Variants in POLN observed in about 807,000 individuals in gnomAD.
POLN encodes the protein DNA polymerase N.
A neutral mutation model predicts 113.5 loss-of-function variants in POLN; 108 were observed. That is an observed-to-expected ratio of 0.95 (90% CI 0.81 to 1.12). The LOEUF (loss-of-function observed/expected upper bound fraction) is 1.12. Among genes scored for constraint, POLN ranks in the 50% most tolerant of loss-of-function variants. POLN has a pLI of 0.00. For synonymous variants in POLN, 386 were observed against 391.5 expected, an observed-to-expected ratio of 0.99 and a Z score of 0.17; for missense variants, 1,097 against 1,077.1, an observed-to-expected ratio of 1.02 and a Z score of -0.26.
chr4:2,081,494 G>T (rs1175935004), intron 22 of POLN, 139 bp downstream of exon 22: 6 of 774,480 alleles, frequency 7.7e-6, no homozygotes, highest in Non-Finnish European at 1.3e-5. Flanking sequence ...CAGGACATGG[G>T]TAGTGTAAGC....
At chr4:2,213,960 G>C (rs1049892305) in intron 3 of POLN, among the ~76,000 whole-genome samples, 4 of 152,198 alleles carry the variant, frequency 2.6e-5, no homozygotes, top group Non-Finnish European at 5.9e-5. Flanking sequence ...CTTAGGCCGG[G>C]CGTGGTGACT....
intron 6 of POLN, among the ~76,000 whole-genome samples, chr4:2,196,339 T>A (rs1015001524): frequency 1.1e-4 from 16 of 152,038 alleles, no homozygotes; most frequent in African/African-American, 3.9e-4. Context: ...TGGACCCAAA[T>A]AATCAAGCAT....
chr4:2,134,013 C>T (rs1731792187), intron 16 of POLN, among the ~76,000 whole-genome samples: 1 of 152,206 alleles, frequency 6.6e-6, no homozygotes, highest in African/African-American at 2.4e-5. Flanking sequence ...AACCTCATCC[C>T]CAAGTGCCAG....
intron 3 of POLN, among the ~76,000 whole-genome samples, chr4:2,221,771 C>T (rs905408675): frequency 6.6e-6 from 1 of 152,088 alleles, no homozygotes; most frequent in South Asian, 2.1e-4. Flanking sequence ...GACAGGGTTC[C>T]ACCACGTTGG....
At chr4:2,227,634 G>C (rs1228556712) in intron 3 of POLN, 1 of 152,048 alleles carries the variant, frequency 6.6e-6, no homozygotes, top group African/African-American at 2.4e-5. Context: ...AATTTTAACG[G>C]GGTATTTTAT....
chr4:2,083,327 C>T (rs1730473924), intron 21 of POLN, among the ~76,000 whole-genome samples: 1 of 152,222 alleles, frequency 6.6e-6, no homozygotes, highest in Admixed American at 6.5e-5. Flanking sequence ...GCGTGGCTCC[C>T]CCTCCACACG....
intron 5 of POLN, among the ~76,000 whole-genome samples, chr4:2,198,964 A>G (rs1344570295): frequency 6.6e-6 from 1 of 152,102 alleles, no homozygotes; most frequent in Non-Finnish European, 1.5e-5. Flanking sequence ...AAAGGAATAA[A>G]AGGCAAACAC....
rs1731588273 is a variant in POLN at position 2,126,636 on chromosome 4, A to G, written c.1982+1477T>C. On this transcript the variant is annotated intron_variant, in intron 19 of 25. Coordinates refer to ENST00000511885, the MANE Select transcript of POLN (RefSeq NM_181808.4). The surrounding 1 kb of genome is among the most constrained non-coding windows in gnomAD (Gnocchi z 4.6). Reference sequence around the variant, plus strand: ...TGGAGACCAGAGAGGAGTGGAGACCAGAGAGGAGCGGCGCCGTGCCCAGCA... The same window carrying G: ...TGGAGACCAGAGAGGAGTGGAGACCGGAGAGGAGCGGCGCCGTGCCCAGCA... 6.6e-6 allele frequency among the ~76,000 whole-genome samples: 1 copy of G among 152,106 alleles called. No individual in the cohort carries two copies. Among genetic ancestry groups the G allele is most frequent in the Admixed American group, 6.5e-5 (1 of 15,272 alleles).
chr4:2,211,396 T>C (rs1733991396), intron 4 of POLN, among the ~76,000 whole-genome samples: 1 of 152,020 alleles, frequency 6.6e-6, no homozygotes. Flanking sequence ...ATATTAACAA[T>C]AGAGCAGAAA....
intron 16 of POLN, among the ~76,000 whole-genome samples, chr4:2,145,252 T>C (rs775041834): frequency 6.6e-6 from 1 of 151,948 alleles, no homozygotes; most frequent in Non-Finnish European, 1.5e-5. Context: ...CCAAGTAAGA[T>C]AGGGTTCCTT....
intron 16 of POLN, among the ~76,000 whole-genome samples, chr4:2,153,342 C>A (rs946563416): frequency 5.3e-5 from 8 of 152,160 alleles, no homozygotes; most frequent in African/African-American, 1.9e-4. Context: ...ACCAAGAGCA[C>A]TGGGATTGAG....
chr4:2,211,300 A>AT (rs56104469), intron 4 of POLN, among the ~76,000 whole-genome samples: 15 of 146,764 alleles, frequency 1.0e-4, no homozygotes, highest in Admixed American at 5.5e-4. Context: ...AATAATAATA[A>AT]GAGGATTGTG....
At chr4:2,227,659 T>G (rs1186935091) in intron 3 of POLN, 2 of 152,212 alleles carry the variant, frequency 1.3e-5, no homozygotes, top group Non-Finnish European at 2.9e-5. Context: ...AGAGATGAGA[T>G]CTTGCTATGT....
chr4:2,224,411 AATAATG>A (rs1426075798), intron 3 of POLN, among the ~76,000 whole-genome samples: 29 of 152,202 alleles, frequency 1.9e-4, no homozygotes, highest in Admixed American at 1.9e-3. Context: ...TATACCCTAA[AATAATG>A]ATAAAAAGTA....
At chr4:2,164,083 T>C (rs454131) in intron 13 of POLN, among the ~76,000 whole-genome samples, 3 of 152,186 alleles carry the variant, frequency 2.0e-5, no homozygotes, top group African/African-American at 7.2e-5. Flanking sequence ...CACAAGGTCC[T>C]TTCTGTTCTA....
chr4:2,206,475 G>A (rs904179669), intron 5 of POLN, among the ~76,000 whole-genome samples: 2 of 152,208 alleles, frequency 1.3e-5, no homozygotes, highest in South Asian at 2.1e-4. Context: ...CACAGGGTGG[G>A]AGAAAATTTT....
intron 5 of POLN, among the ~76,000 whole-genome samples, chr4:2,206,829 A>C (rs536024384): frequency 3.7e-4 from 56 of 152,366 alleles, no homozygotes; most frequent in African/African-American, 1.3e-3. Context: ...TCACTATGGC[A>C]AACAGTGTGG....
chr4:2,179,016 A>G lies in POLN; in HGVS notation c.1179+292T>C, dbSNP rs116015009. Reference sequence around the variant, plus strand: ...CGTCACCAGCCCTAAGGATTTATCAATGAGTGGCATTCTGTTCATGGAGCA... The same window carrying G: ...CGTCACCAGCCCTAAGGATTTATCAGTGAGTGGCATTCTGTTCATGGAGCA... On this transcript the variant is annotated intron_variant, in intron 8 of 25. Coordinates refer to ENST00000511885, the MANE Select transcript of POLN (RefSeq NM_181808.4). Among the ~76,000 whole-genome samples, 622 of 152,268 alleles carry G rather than the reference A, an allele frequency of 4.1e-3. 5 individuals carry two copies. The highest frequency in any genetic ancestry group is 4.3e-3 in the Non-Finnish European group (293 of 68,014).
At chr4:2,185,291 G>C (rs11248086) in intron 7 of POLN, among the ~76,000 whole-genome samples, 37,519 of 152,122 alleles carry the variant, frequency 0.25, 7,145 homozygotes, top group African/African-American at 0.51. Flanking sequence ...AAATAGAAGA[G>C]AGATAACATA....
Sources: allele counts gnomAD v4.1 joint callset (sites outside exome capture counted in the v4.1 genomes callset), GRCh38; gene constraint gnomAD v4.1.1; non-coding constraint Gnocchi (gnomAD v3.1); transcripts MANE v1.5; gene names NCBI Gene and HGNC (gene_info 2026-07-23, HGNC 2026-07-21).